The following SCOC variants were observed in gnomAD, a reference collection of about 807,000 sequenced individuals.
The protein encoded by SCOC is short coiled-coil protein, also known as short coiled coil protein.
In SCOC, 7 loss-of-function variants were observed where a neutral mutation model predicts 9.9. The ratio of observed to expected loss-of-function variants is 0.71; its 90% CI spans 0.40 to 1.33. The LOEUF (loss-of-function observed/expected upper bound fraction) is 1.33, where lower values mean the gene tolerates loss of function less well. Among genes scored for constraint, SCOC ranks in the 40% most tolerant of loss-of-function variants. The pLI is 0.01. For missense variants in SCOC, 66 were observed against 89.7 expected, an observed-to-expected ratio of 0.74 and a Z score of 1.07; for synonymous variants, 19 against 28.2, an observed-to-expected ratio of 0.67 and a Z score of 1.03.
At chr4:140,290,017 C>T (rs556369614) in intron 1 of SCOC, among the ~76,000 whole-genome samples, 3 of 152,312 alleles carry the variant, frequency 2.0e-5, no homozygotes, top group Middle Eastern at 3.4e-3. Flanking sequence ...GACTCCTCAC[C>T]AATCTTTCAG....
chr4:140,373,241 C>G (rs1479750869), upstream of SCOC: 1 of 1,206,832 alleles, frequency 8.3e-7, no homozygotes, highest in East Asian at 4.7e-5. Context: ...ACTTGAATGA[C>G]TTCTCTGTCG....
rs374628935 is a variant in SCOC at position 140,380,266 on chromosome 4, C to T, written c.106+614C>T. On this transcript the variant is annotated intron_variant, in intron 3 of 3. Transcript: ENST00000608372. ...AGGTTGGAGTGCAATGGCGCAACCTCGGCTCCCTGCAACCTCTGCCTCCCA... is the reference window on the plus strand; with the variant it reads ...AGGTTGGAGTGCAATGGCGCAACCTTGGCTCCCTGCAACCTCTGCCTCCCA... Among the ~76,000 whole-genome samples the T allele has an allele frequency of 1.9e-4, 27 of 144,636 alleles. No homozygotes were observed. In the East Asian group the frequency reaches 4.5e-3, roughly 24 times the overall value. 94.9% of individuals were successfully genotyped at this position (144,636 alleles called of 152,430 possible). A position where few individuals can be genotyped will look rare whatever the true frequency, so the allele number is the denominator to read the frequency against.
chr4:140,277,317 G>T (rs555195588), intron 1 of SCOC, among the ~76,000 whole-genome samples: 27 of 152,226 alleles, frequency 1.8e-4, no homozygotes, highest in East Asian at 9.7e-4. Context: ...TATGAGTTGG[G>T]GGGGGCAGGG....
intron 1 of SCOC, among the ~76,000 whole-genome samples, chr4:140,286,188 T>TAAA: frequency 7.3e-6 from 1 of 137,572 alleles, no homozygotes; most frequent in African/African-American, 2.6e-5. Flanking sequence ...CATCACAAAA[T>TAAA]AAAAAAAAAA....
At chr4:140,286,376 A>G (rs914042957) in intron 1 of SCOC, among the ~76,000 whole-genome samples, 4 of 151,776 alleles carry the variant, frequency 2.6e-5, no homozygotes, top group Non-Finnish European at 4.4e-5. Context: ...AAAAAAACAC[A>G]AAAAACAAAA....
chr4:140,267,244 C>T (rs1250848923), intron 1 of SCOC, among the ~76,000 whole-genome samples: 2 of 152,170 alleles, frequency 1.3e-5, no homozygotes, highest in Non-Finnish European at 2.9e-5. Context: ...AGCGGGTTGA[C>T]TGATGCTGGA....
chr4:140,362,273 C>CTTCTTCTTCTTCTTCTTCTTCTTCTTCTT, intron 2 of SCOC, among the ~76,000 whole-genome samples: 2 of 29,074 alleles, frequency 6.9e-5, no homozygotes, highest in Non-Finnish European at 1.5e-4. Context: ...ACAGGTGTGT[C>CTTCTTCTTCTTCTTCTTCTTCTTCTTCTT]CTTACTTCTT....
At chr4:140,340,808 T>TTTTTTTTGTTTTC, upstream of SCOC, among the ~76,000 whole-genome samples, 1 of 111,814 alleles carries the variant, frequency 8.9e-6, no homozygotes, top group Non-Finnish European at 1.8e-5. Context: ...TTTTTTTTTT[T>TTTTTTTTGTTTTC]AGAGGGATAG....
At position 140,384,240 on chromosome 4, in the gene SCOC, C is replaced by A. The variant is rs1190039213; in HGVS notation, c.*3136C>A. ...ATTAGTAGGTGTCAAAATATATCCC[C>A]ACTGCTTGTCATGTTAATGGTAAGC... On this transcript the variant is annotated 3_prime_UTR_variant, in exon 4 of 4. Transcript: ENST00000608372. 1 of 152,162 alleles carries A rather than the reference C, an allele frequency of 6.6e-6. No individual in the cohort carries two copies. The highest frequency in any genetic ancestry group is 1.5e-5 in the Non-Finnish European group (1 of 68,034). 9.4% of individuals were successfully genotyped at this position (152,162 alleles called of 1,614,324 possible). A position where few individuals can be genotyped will look rare whatever the true frequency, so the allele number is the denominator to read the frequency against.
At chr4:140,276,423 G>A (rs769662447) in intron 1 of SCOC, among the ~76,000 whole-genome samples, 2 of 152,132 alleles carry the variant, frequency 1.3e-5, no homozygotes, top group African/African-American at 4.8e-5. Context: ...ACAGGTGTGA[G>A]CCACTGTGCC....
At chr4:140,278,160 C>T (rs1353921237) in intron 1 of SCOC, among the ~76,000 whole-genome samples, 1 of 152,170 alleles carries the variant, frequency 6.6e-6, no homozygotes. Context: ...TCTCACAGTT[C>T]TAGAGGCTGG....
At chr4:140,291,436 C>T (rs1287308249) in intron 1 of SCOC, 1 of 457,056 alleles carries the variant, frequency 2.2e-6, no homozygotes, top group Non-Finnish European at 4.4e-6. Context: ...GTATAGCAAC[C>T]TCTTGTCATC....
intron 2 of SCOC, among the ~76,000 whole-genome samples, chr4:140,362,273 C>CTGTTCTTCTTCTTCTCCTTCTTCTT: frequency 3.4e-5 from 1 of 29,076 alleles, no homozygotes; most frequent in Non-Finnish European, 7.6e-5. Context: ...ACAGGTGTGT[C>CTGTTCTTCTTCTTCTCCTTCTTCTT]CTTACTTCTT....
intron 1 of SCOC, chr4:140,293,163 A>G (rs1221289105): frequency 7.7e-6 from 3 of 391,276 alleles, no homozygotes; most frequent in Non-Finnish European, 1.5e-5. Context: ...ATCATTGCAC[A>G]TGCAAAGCCA....
chr4:140,264,617 A>T (rs1168055797), intron 1 of SCOC, among the ~76,000 whole-genome samples: 2 of 152,170 alleles, frequency 1.3e-5, no homozygotes, highest in South Asian at 4.2e-4. Flanking sequence ...GGATAGGGAT[A>T]CTACTATCAT....
chr4:140,356,123 G>A (rs1299429820), intron 2 of SCOC, among the ~76,000 whole-genome samples: 2 of 152,176 alleles, frequency 1.3e-5, no homozygotes, highest in East Asian at 3.9e-4. Flanking sequence ...ATGGAGGGTG[G>A]AGAGTAAAGG....
chr4:140,367,039 C>T (rs991631679), intron 2 of SCOC, among the ~76,000 whole-genome samples: 1 of 152,022 alleles, frequency 6.6e-6, no homozygotes, highest in African/African-American at 2.4e-5. Context: ...AACCTCATCT[C>T]TACTAAAAAT....
intron 1 of SCOC, among the ~76,000 whole-genome samples, chr4:140,298,114 G>C (rs552452832): frequency 1.3e-5 from 2 of 152,246 alleles, no homozygotes; most frequent in South Asian, 4.2e-4. Context: ...TCTGGTTCTC[G>C]GGATCGTTCG....
Position 140,293,381 on chromosome 4 carries a change from C to A in SCOC, c.-19+35971C>A, listed in dbSNP as rs761084449. On this transcript the variant is annotated intron_variant, in intron 1 of 4. Transcript: ENST00000394205. ...TGTCTTGTGTCTTCTGAGCAGGGCA[C>A]GCCAAGACAGGATTGGAGGTGTAAG... is the stretch of plus-strand genomic sequence containing the variant. 1.8e-5 allele frequency: 8 copies of A among 456,716 alleles called. No individual in the cohort carries two copies. In the Admixed American group the frequency reaches 1.9e-4, roughly 11 times the overall value. The allele number at this position is 456,716 out of a possible 1,614,324, so 28.3% of individuals were successfully genotyped here.
Sources: gnomAD v4.1 joint callset for allele counts (sites outside exome capture counted in the v4.1 genomes callset) on GRCh38, gnomAD v4.1.1 for gene constraint, MANE v1.5 for transcripts, NCBI Gene and HGNC (gene_info 2026-07-23, HGNC 2026-07-21) for gene names.